HIVEP3: variants seen among roughly 807,000 people sequenced by gnomAD.
HIVEP3 encodes HIVEP zinc finger 3, also known as transcription factor HIVEP3.
HIVEP3 carries 49 observed loss-of-function variants against 152.8 expected under a neutral mutation model. That is an observed-to-expected ratio of 0.32 (90% CI 0.26 to 0.41). HIVEP3 has a LOEUF of 0.41. HIVEP3 is among the 10% of genes least tolerant of loss of function. HIVEP3 has a pLI of 1.00. For synonymous variants in HIVEP3, 1,269 were observed against 1,289.0 expected (o/e 0.98, Z 0.33); for missense variants, 2,790 against 3,103.3 (o/e 0.90, Z 2.40).
chr1:41,654,271 GA>G (rs1485373212), intron 2 of HIVEP3, among the ~76,000 whole-genome samples: 1 of 152,174 alleles, frequency 6.6e-6, no homozygotes, highest in African/African-American at 2.4e-5. Context: ...ATCTCCAATA[GA>G]AAATTCCTCT....
At chr1:41,619,469 C>T (rs1043080630) in intron 3 of HIVEP3, among the ~76,000 whole-genome samples, 18 of 152,242 alleles carry the variant, frequency 1.2e-4, no homozygotes, top group African/African-American at 4.1e-4. Context: ...TGTGTAGTGA[C>T]GATATGTTTG....
At chr1:41,953,822 T>C (rs1298913429) in intron 1 of HIVEP3, among the ~76,000 whole-genome samples, 1 of 152,228 alleles carries the variant, frequency 6.6e-6, no homozygotes, top group Non-Finnish European at 1.5e-5. Flanking sequence ...GGAATACCAA[T>C]GAATTGCCAC....
At chr1:41,960,089 G>A (rs886380245) in intron 1 of HIVEP3, among the ~76,000 whole-genome samples, 2 of 152,142 alleles carry the variant, frequency 1.3e-5, no homozygotes, top group East Asian at 3.9e-4. Flanking sequence ...GCCTGATAAG[G>A]GAATGGAAAC....
At chr1:41,921,912 G>GCACACACACACACCACACACA (rs1644943793), upstream of HIVEP3, among the ~76,000 whole-genome samples, 2 of 151,280 alleles carry the variant, frequency 1.3e-5, no homozygotes, top group Non-Finnish European at 3.0e-5. Flanking sequence ...CAAAAAGTGC[G>GCACACACACACACCACACACA]CACACACACA....
At chr1:41,813,798 C>G (rs1238798906) in intron 1 of HIVEP3, among the ~76,000 whole-genome samples, 1 of 152,158 alleles carries the variant, frequency 6.6e-6, no homozygotes, top group Non-Finnish European at 1.5e-5. Flanking sequence ...TCACAGCCAG[C>G]CTCGACAAGA....
In HIVEP3 at chr1:41,867,055, G is replaced by C. The variant is rs1446256062; in HGVS notation, c.-801+51358C>G. On this transcript the variant is annotated intron_variant, in intron 1 of 8. Coordinates refer to ENST00000372583, the MANE Select transcript of HIVEP3 (RefSeq NM_024503.5). ...CTGCATCCTCACCACCACCATGATG[G>C]AGAGCCAGGGCCAGTCTTTCCAATC... 2.6e-5 allele frequency among the ~76,000 whole-genome samples: 4 copies of C among 152,306 alleles called. No homozygotes were observed. In the East Asian group the frequency reaches 5.8e-4, roughly 22 times the overall value.
At chr1:42,008,131 C>CATAA (rs56873587) in intron 1 of HIVEP3, among the ~76,000 whole-genome samples, 8,635 of 152,176 alleles carry the variant, frequency 0.057, 851 homozygotes, top group African/African-American at 0.2. Flanking sequence ...TAGTAAACAG[C>CATAA]ACTGAAAATA....
intron 1 of HIVEP3, among the ~76,000 whole-genome samples, chr1:42,000,256 A>C (rs1399540444): frequency 1.3e-5 from 2 of 152,232 alleles, no homozygotes; most frequent in African/African-American, 4.8e-5. Context: ...ACATCCTTAC[A>C]ACTTGCTAAC....
intron 3 of HIVEP3, among the ~76,000 whole-genome samples, chr1:41,604,720 T>C (rs1053138174): frequency 6.6e-6 from 1 of 152,314 alleles, no homozygotes; most frequent in African/African-American, 2.4e-5. Context: ...TACCCAGCTT[T>C]AGTATTCTGT....
chr1:41,845,407 A>ACACACACACACG (rs1438864502), intron 1 of HIVEP3, among the ~76,000 whole-genome samples: 2 of 111,572 alleles, frequency 1.8e-5, no homozygotes, highest in East Asian at 2.1e-4. Context: ...CCTCCTATAC[A>ACACACACACACG]CACACACACA....
chr1:41,922,979 A>C (rs538541364), upstream of HIVEP3, among the ~76,000 whole-genome samples: 1 of 152,200 alleles, frequency 6.6e-6, no homozygotes, highest in South Asian at 2.1e-4. Flanking sequence ...GATGATGACA[A>C]AACAAAAACA....
At chr1:41,526,975 CCTTCA>C (rs1191760430) in intron 5 of HIVEP3, among the ~76,000 whole-genome samples, 2 of 89,900 alleles carry the variant, frequency 2.2e-5, no homozygotes, top group East Asian at 4.5e-4. Flanking sequence ...CTCACACTCA[CCTTCA>C]CACTCCACAC....
intron 1 of HIVEP3, among the ~76,000 whole-genome samples, chr1:41,903,104 T>C: frequency 6.6e-6 from 1 of 152,160 alleles, no homozygotes; most frequent in South Asian, 2.1e-4. Context: ...TGAAATAAAA[T>C]AAAATACATC....
chr1:41,565,246 C>T (rs1026904739), intron 5 of HIVEP3, among the ~76,000 whole-genome samples: 1 of 152,074 alleles, frequency 6.6e-6, no homozygotes, highest in Non-Finnish European at 1.5e-5. Context: ...AGGTGGAATG[C>T]GAATGGCAAA....
At chr1:41,575,324 AC>A (rs1212362451) in intron 5 of HIVEP3, among the ~76,000 whole-genome samples, 1 of 152,000 alleles carries the variant, frequency 6.6e-6, no homozygotes, top group South Asian at 2.1e-4. Flanking sequence ...CTCAACAAAT[AC>A]CCAGCATCAC....
At chr1:41,620,671 T>C (rs761429256) in intron 3 of HIVEP3, among the ~76,000 whole-genome samples, 1 of 152,190 alleles carries the variant, frequency 6.6e-6, no homozygotes, top group African/African-American at 2.4e-5. Flanking sequence ...TCAATATGCT[T>C]AGTGCCCCAC....
intron 1 of HIVEP3, among the ~76,000 whole-genome samples, chr1:41,765,096 G>A (rs925299979): frequency 3.3e-5 from 5 of 152,320 alleles, no homozygotes; most frequent in African/African-American, 1.2e-4. Context: ...TGCCTCTTGA[G>A]CTTCTTTGAC....
intron 1 of HIVEP3, among the ~76,000 whole-genome samples, chr1:42,023,896 T>C (rs1174933147): frequency 2.6e-5 from 4 of 152,226 alleles, no homozygotes; most frequent in African/African-American, 9.6e-5. Flanking sequence ...TCATGTCATA[T>C]CCATGAATCC....
intron 1 of HIVEP3, among the ~76,000 whole-genome samples, chr1:42,009,338 A>G (rs1421425318): frequency 2.6e-5 from 4 of 152,126 alleles, no homozygotes; most frequent in African/African-American, 9.7e-5. Flanking sequence ...ACAGGTAGGG[A>G]GCAGGCAGGT....
Sources: gnomAD v4.1 joint callset for allele counts (sites outside exome capture counted in the v4.1 genomes callset) on GRCh38, gnomAD v4.1.1 for gene constraint, MANE v1.5 for transcripts, NCBI Gene and HGNC (gene_info 2026-07-23, HGNC 2026-07-21) for gene names.